Variants in CDH19 observed in about 807,000 individuals in gnomAD.
CDH19 encodes the protein cadherin-19.
In CDH19, 67 loss-of-function variants were observed where a neutral mutation model predicts 64.2. That is an observed-to-expected ratio of 1.04 (90% CI 0.86 to 1.28). The LOEUF (loss-of-function observed/expected upper bound fraction) is 1.28, where lower values mean the gene tolerates loss of function less well. Ranked by LOEUF, CDH19 falls within the 50% of genes most tolerant of loss-of-function variation. The pLI, the probability that CDH19 is intolerant of heterozygous loss-of-function variation, is 0.00. For missense variants in CDH19, 1,030 were observed against 929.0 expected (o/e 1.11, Z -1.41); for synonymous variants, 346 against 319.3 (o/e 1.08, Z -0.89).
intron 9 of CDH19, among the ~76,000 whole-genome samples, chr18:66,519,194 T>C (rs899873443): frequency 1.3e-5 from 2 of 152,196 alleles, no homozygotes; most frequent in Admixed American, 6.5e-5. Context: ...CAAGTGTACA[T>C]AGACACCGTG....
Position 66,544,194 on chromosome 18 carries a change from C to A in CDH19, c.991G>T (p.Gly331Cys), listed in dbSNP as rs1033192268. The stretch of plus-strand genomic sequence containing the variant: ...TGGTTTTTAACTTTTGCTCTAATAC[C>A]GTAGTGGTTCTGGTGCTCAAAATCC... ...KVDFEHQNHY[G>C]IRAKVKNHHV... Residue 331 changes from glycine (G) to cysteine (C), a missense_variant, in exon 7 of 12, where the codon GGT becomes TGT. Coordinates refer to ENST00000262150, the MANE Select transcript of CDH19 (RefSeq NM_021153.4). 1 of 1,613,480 alleles carries A rather than the reference C, an allele frequency of 6.2e-7. No individual in the cohort carries two copies. Among genetic ancestry groups the A allele is most frequent in the Admixed American group, 1.7e-5 (1 of 59,984 alleles).
chr18:66,518,912 G>T (rs955972459), intron 9 of CDH19, among the ~76,000 whole-genome samples: 1 of 151,918 alleles, frequency 6.6e-6, no homozygotes, highest in Non-Finnish European at 1.5e-5. Flanking sequence ...AGATTCACAA[G>T]AAAATGTAAA....
intron 5 of CDH19, among the ~76,000 whole-genome samples, chr18:66,547,957 G>A (rs377222886): frequency 7.0e-6 from 1 of 143,152 alleles, no homozygotes; most frequent in South Asian, 2.1e-4. Flanking sequence ...GTGAGCCACC[G>A]CGCCCGGCCT....
At chr18:66,570,010 C>T (rs1220715993) in intron 2 of CDH19, among the ~76,000 whole-genome samples, 1 of 151,586 alleles carries the variant, frequency 6.6e-6, no homozygotes, top group Non-Finnish European at 1.5e-5. Flanking sequence ...TGAAAAATAA[C>T]ATCCAGATTG....
chr18:66,535,159 G>A, intron 7 of CDH19, 52 bp from the exon 8 acceptor site: 1 of 1,145,206 alleles, frequency 8.7e-7, no homozygotes, highest in Non-Finnish European at 1.2e-6. Flanking sequence ...CTGCATAACA[G>A]TGTTAGATAA....
At chr18:66,580,074 C>T (rs1043454413) in intron 1 of CDH19, among the ~76,000 whole-genome samples, 4 of 151,886 alleles carry the variant, frequency 2.6e-5, no homozygotes, top group Non-Finnish European at 4.4e-5. Flanking sequence ...TTAAAATATA[C>T]GTATTAAATC....
rs548824144 is a variant in CDH19 at position 66,527,760 on chromosome 18, A to C, written c.1458+2085T>G. 5.9e-5 allele frequency among the ~76,000 whole-genome samples: 9 copies of C among 151,750 alleles called. 1 individual carries two copies. The South Asian group carries it at 1.9e-3, about 32-fold the overall frequency. On this transcript the variant is annotated intron_variant, in intron 9 of 11. Coordinates refer to ENST00000262150, the MANE Select transcript of CDH19 (RefSeq NM_021153.4). The stretch of plus-strand genomic sequence containing the variant: ...CGAGAGCAAAGCTCCATCTATATAT[A>C]TATATAAAAAACAGAACTTTGTCCA...
chr18:66,560,044 T>G (rs1987664084), intron 3 of CDH19, among the ~76,000 whole-genome samples: 1 of 152,098 alleles, frequency 6.6e-6, no homozygotes, highest in Non-Finnish European at 1.5e-5. Flanking sequence ...GTTTTGTTTT[T>G]GTTTTTTTGA....
intron 1 of CDH19, among the ~76,000 whole-genome samples, chr18:66,587,775 C>T (rs1385784150): frequency 3.3e-5 from 5 of 152,084 alleles, no homozygotes; most frequent in Non-Finnish European, 7.4e-5. Flanking sequence ...CACTAACTTC[C>T]ACCTGATGTT....
chr18:66,543,599 C>A (rs1382583797), intron 7 of CDH19, among the ~76,000 whole-genome samples: 1 of 151,888 alleles, frequency 6.6e-6, no homozygotes, highest in Non-Finnish European at 1.5e-5. Context: ...TAAATTTGCA[C>A]GCAGGCTAGG....
intron 7 of CDH19, 29 bp from the exon 8 acceptor site, chr18:66,535,136 A>AT: frequency 7.4e-7 from 1 of 1,356,462 alleles, no homozygotes; most frequent in Non-Finnish European, 1.0e-6. Context: ...ATACCTTAAT[A>AT]TTTTTATTCT....
chr18:66,512,682 G>C (rs1248265581), intron 9 of CDH19, among the ~76,000 whole-genome samples: 1 of 149,908 alleles, frequency 6.7e-6, no homozygotes, highest in African/African-American at 2.4e-5. Context: ...TGTTAATTAA[G>C]TAATTTAACA....
intron 9 of CDH19, among the ~76,000 whole-genome samples, chr18:66,513,778 A>G (rs962670170): frequency 6.6e-6 from 1 of 151,502 alleles, no homozygotes; most frequent in Non-Finnish European, 1.5e-5. Context: ...TACCAAGAAC[A>G]GCCATGGCTT....
At chr18:66,533,831 A>T (rs1986551460) in intron 8 of CDH19, among the ~76,000 whole-genome samples, 1 of 152,054 alleles carries the variant, frequency 6.6e-6, no homozygotes, top group African/African-American at 2.4e-5. Context: ...GATGATTTTT[A>T]AAACAGTTTT....
rs1468531674 is a variant in CDH19 at position 66,505,058 on chromosome 18, GT to G, written c.2072del (p.Asp691AlafsTer39). 6.2e-7 allele frequency: 1 copy of G among 1,613,636 alleles called. No homozygotes were observed. The highest frequency in any genetic ancestry group is 2.2e-5 in the East Asian group (1 of 44,856). Reference protein sequence around the residue: ...LYRQSLQVGPDSAIFRKFILE... With the variant: ...LYRQSLQVGPXSAIFRKFILE... ...GAATGAATTTCCTGAATATGGCACT[GT>G]CGGGGCCAACTTGCAAAGACTGCCT... On this transcript the variant is annotated frameshift_variant, in exon 12 of 12. Coordinates refer to ENST00000262150, the MANE Select transcript of CDH19 (RefSeq NM_021153.4). LOFTEE classifies it low-confidence loss of function (END_TRUNC).
At chr18:66,534,941 C>G (rs982129913) in intron 8 of CDH19, 45 bp downstream of exon 8, 3 of 1,347,028 alleles carry the variant, frequency 2.2e-6, no homozygotes, top group Admixed American at 2.5e-5. Flanking sequence ...TAATTATTTA[C>G]AAAATATGGC....
intron 4 of CDH19, 147 bp from the exon 5 acceptor site, chr18:66,551,405 A>C (rs1987339780): frequency 3.4e-6 from 2 of 581,890 alleles, no homozygotes; most frequent in Non-Finnish European, 6.0e-6. Context: ...AAAATAATAA[A>C]AAATAAATTA....
In CDH19 at chr18:66,505,270, G is replaced by A. The variant is rs749665230; in HGVS notation, c.1861C>T (p.Arg621Trp). Reference sequence around the variant, plus strand: ...TCAGGAAATAGAATCTGTTTTCTCCGTTGTTTTAAACCCAAAGTCAAAAAA... The same window carrying A: ...TCAGGAAATAGAATCTGTTTTCTCCATTGTTTTAAACCCAAAGTCAAAAAA... ...FIFLTLGLKQ[R>W]RKQILFPEKS... Residue 621 changes from arginine to tryptophan, a missense_variant, in exon 12 of 12, where the codon CGG (arginine) becomes TGG (tryptophan). Physicochemically the swap from Arg to Trp is moderately radical, Grantham distance 101. Transcript: ENST00000262150. 29 of 1,577,732 alleles carry A rather than the reference G, an allele frequency of 1.8e-5. No homozygotes were observed. Among genetic ancestry groups the A allele is most frequent in the Non-Finnish European group, 2.4e-5 (28 of 1,167,450 alleles).
intron 8 of CDH19, among the ~76,000 whole-genome samples, chr18:66,531,346 T>C (rs927411332): frequency 3.9e-5 from 6 of 152,126 alleles, no homozygotes; most frequent in East Asian, 1.9e-4. Flanking sequence ...CCAAGCATGG[T>C]AACTCACACC....
Sources: allele counts gnomAD v4.1 joint callset (sites outside exome capture counted in the v4.1 genomes callset), GRCh38; gene constraint gnomAD v4.1.1; transcripts MANE v1.5; gene names NCBI Gene and HGNC (gene_info 2026-07-23, HGNC 2026-07-21).